The following CCDC106 variants were observed in gnomAD, a reference collection of about 807,000 sequenced individuals.
CCDC106 encodes coiled-coil domain-containing protein 106.
Under a neutral mutation model 24.7 loss-of-function variants are expected in CCDC106, and 17 were observed. That is an observed-to-expected ratio of 0.69 (90% confidence interval 0.47 to 1.03). CCDC106 has a LOEUF of 1.03. Ranked by LOEUF, CCDC106 falls within the 50% of genes least tolerant of loss-of-function variation. The pLI is 0.00. For missense variants in CCDC106, 337 were observed against 388.9 expected (o/e 0.87, Z 1.12); for synonymous variants, 211 against 161.3 (o/e 1.31, Z -2.34).
rs149935527 is a variant in CCDC106 at position 55,651,942 on chromosome 19, G to A, written c.526+447G>A. On this transcript the variant is annotated intron_variant, in intron 4 of 4. Transcript: ENST00000586790. ...CTCCCAAAGTGCTGGGATTACAGGC[G>A]TGAGCCACCGCGCATGGCCTGTCCT... Among the ~76,000 whole-genome samples the A allele has an allele frequency of 2.5e-3, 374 of 152,228 alleles. 4 individuals carry two copies. Among genetic ancestry groups the A allele is most frequent in the Non-Finnish European group, 3.5e-3 (235 of 68,018 alleles).
chr19:55,652,612 G>A lies in CCDC106; in HGVS notation c.709G>A (p.Asp237Asn). 1 of 1,612,810 alleles carries A rather than the reference G, an allele frequency of 6.2e-7. No individual in the cohort carries two copies. Among genetic ancestry groups the A allele is most frequent in the Non-Finnish European group, 8.5e-7 (1 of 1,179,862 alleles). The change falls in exon 5 of 5, where the codon GAC becomes AAC. Residue 237 changes from aspartate (D) to asparagine (N), a missense_variant. Transcript: ENST00000586790. This position sits in a 1 kb window ranked among gnomAD's most constrained non-coding sequence, Gnocchi z 5.9. ...GAAGCTGGCCGAGGTGGGCGAGTTC[G>A]ACCCCTCCAAGGAGCGCCTGCTCGA... ...PEKLAEVGEF[D>N]PSKERLLEYS...
In CCDC106 at chr19:55,652,614, C is replaced by T. The variant is rs768985868; in HGVS notation, c.711C>T (p.Asp237=). The T allele has an allele frequency of 1.4e-5, 22 of 1,613,054 alleles. No individual in the cohort carries two copies. In the East Asian group the frequency reaches 2.7e-4, roughly 20 times the overall value. ...AGCTGGCCGAGGTGGGCGAGTTCGA[C>T]CCCTCCAAGGAGCGCCTGCTCGAGT... ...PEKLAEVGEF[D]PSKERLLEYS... The change falls in exon 5 of 5, where the codon GAC becomes GAT. Residue 237 remains aspartate, a synonymous_variant. Coordinates refer to ENST00000586790, the MANE Select transcript of CCDC106 (RefSeq NM_001370470.1). The surrounding 1 kb of genome is among the most constrained non-coding windows in gnomAD (Gnocchi z 5.9).
intron 3 of CCDC106, 41 bp downstream of exon 3, chr19:55,649,625 G>A (rs373536474): frequency 7.0e-6 from 11 of 1,574,652 alleles, no homozygotes; most frequent in Admixed American, 1.7e-5. Context: ...TCCCTGTCCC[G>A]CTACTGGGTA....
Position 55,649,781 on chromosome 19 carries a change from T to G in CCDC106, c.313+197T>G, listed in dbSNP as rs1049182160. The G allele has an allele frequency of 5.1e-6, 3 of 590,646 alleles. No homozygotes were observed. In the South Asian group the frequency reaches 6.1e-5, roughly 12 times the overall value. 36.6% of individuals were successfully genotyped at this position (590,646 alleles called of 1,614,324 possible). A position where few individuals can be genotyped will look rare whatever the true frequency, so the allele number is the denominator to read the frequency against. On this transcript the variant is annotated intron_variant, in intron 3 of 4. Coordinates refer to ENST00000586790, the MANE Select transcript of CCDC106 (RefSeq NM_001370470.1). ...ATTCCAGGGCCTCATCCCCATGAAC[T>G]GTCTACTGGGGCCCGTCCTCCTGCC...
Position 55,649,323 on chromosome 19 carries a change from G to A in CCDC106, c.136+14G>A, listed in dbSNP as rs900776166. ...GAAACTTCGAGGGTGAGCTGAGGGG[G>A]TGTGGAGGGACTGGAGTCAGCTGGG... On this transcript the variant is annotated intron_variant, in intron 2 of 4. Transcript: ENST00000586790. 16 of 1,612,708 alleles carry A rather than the reference G, an allele frequency of 9.9e-6. No homozygotes were observed. The highest frequency in any genetic ancestry group is 1.4e-5 in the Non-Finnish European group (16 of 1,178,804).
chr19:55,651,584 C>A, intron 4 of CCDC106, 89 bp downstream of exon 4: 1 of 903,544 alleles, frequency 1.1e-6, no homozygotes, highest in Non-Finnish European at 1.7e-6. Context: ...TCTCTCCAAG[C>A]CCCTCCAGCC....
At chr19:55,649,609 C>T (rs748444837) in intron 3 of CCDC106, 25 bp downstream of exon 3, 1 of 1,605,242 alleles carries the variant, frequency 6.2e-7, no homozygotes, top group Admixed American at 1.7e-5. Context: ...CTCTGATCCA[C>T]ATGCCTCCCT....
In CCDC106 at chr19:55,651,284, G is replaced by C; in HGVS notation, c.315G>C (p.Glu105Asp). The C allele has an allele frequency of 1.2e-6, 2 of 1,611,616 alleles. No individual in the cohort carries two copies. The highest frequency in any genetic ancestry group is 1.7e-6 in the Non-Finnish European group (2 of 1,177,994). The change falls in exon 4 of 5, where the codon GAG becomes GAC. Residue 105 changes from glutamate to aspartate, a missense_variant and splice_region_variant. Transcript: ENST00000586790. Reference sequence around the variant, plus strand: ...ATGTGTGTGTCTCCATCTCCCCAGAGGACCACTGCCGGATGAAGCCTGGGC... The same window carrying C: ...ATGTGTGTGTCTCCATCTCCCCAGACGACCACTGCCGGATGAAGCCTGGGC... ...KFISSARMEAEDHCRMKPGPR... is the reference protein window; with the variant it reads ...KFISSARMEADDHCRMKPGPR...
At chr19:55,651,173 AC>A in intron 3 of CCDC106, 109 bp from the exon 4 acceptor site, 1 of 835,746 alleles carries the variant, frequency 1.2e-6, no homozygotes, top group Non-Finnish European at 2.0e-6. Context: ...TCTTTAGGGG[AC>A]CAGCCCAGGT....
rs774347285 is a variant in CCDC106 at position 55,652,390 on chromosome 19, C to A, written c.527-40C>A. The A allele has an allele frequency of 7.1e-6, 11 of 1,540,400 alleles. No individual in the cohort carries two copies. Among genetic ancestry groups the A allele is most frequent in the East Asian group, 6.8e-5 (3 of 44,126 alleles). ...CCGTGTCCGCCCCCTCAGTCTTGTGCCCTGCCCCTCACTTTCGTGTCCCCG... is the reference window on the plus strand; with the variant it reads ...CCGTGTCCGCCCCCTCAGTCTTGTGACCTGCCCCTCACTTTCGTGTCCCCG... On this transcript the variant is annotated intron_variant, in intron 4 of 4. Coordinates refer to ENST00000586790, the MANE Select transcript of CCDC106 (RefSeq NM_001370470.1). The surrounding 1 kb of genome is among the most constrained non-coding windows in gnomAD (Gnocchi z 5.9).
In CCDC106 at chr19:55,648,446, C is replaced by T. The variant is rs1260844876; in HGVS notation, c.-601C>T. The T allele has an allele frequency of 6.5e-6, 1 of 152,804 alleles. No individual in the cohort carries two copies. The highest frequency in any genetic ancestry group is 1.5e-5 in the Non-Finnish European group (1 of 68,492). The allele number at this position is 152,804 out of a possible 1,614,324, so 9.5% of individuals were successfully genotyped here. Reference sequence around the variant, plus strand: ...GGGCGGGGGCGGGGGGGGCGCACCCCCACGCGTGACCTTTCCCCGTACTGC... The same window carrying T: ...GGGCGGGGGCGGGGGGGGCGCACCCTCACGCGTGACCTTTCCCCGTACTGC... On this transcript the variant is annotated 5_prime_UTR_variant, in exon 1 of 5. Coordinates refer to ENST00000586790, the MANE Select transcript of CCDC106 (RefSeq NM_001370470.1).
Position 55,652,437 on chromosome 19 carries a change from C to A in CCDC106, c.534C>A (p.Asp178Glu). Residue 178 changes from aspartate (D) to glutamate (E), a missense_variant, in exon 5 of 5, where the codon GAC becomes GAA. Asp to Glu is a conservative substitution (Grantham distance 45). Around this residue, in one of 2 missense-constraint regions of CCDC106, gnomAD observed 103 missense variants for 152.4 expected, o/e 0.68. Coordinates refer to ENST00000586790, the MANE Select transcript of CCDC106 (RefSeq NM_001370470.1). This position sits in a 1 kb window ranked among gnomAD's most constrained non-coding sequence, Gnocchi z 5.9. Reference protein sequence around the residue: ...PKARERQRVKDADGVLCRYKK... With the variant: ...PKARERQRVKEADGVLCRYKK... ...CCCGCCTCCACCCCTCAGTGAAGGA[C>A]GCCGACGGGGTCCTCTGCCGGTACA... The A allele has an allele frequency of 6.3e-7, 1 of 1,597,652 alleles. No homozygotes were observed. The highest frequency in any genetic ancestry group is 8.6e-7 in the Non-Finnish European group (1 of 1,168,770).
rs770307968 is a variant in CCDC106, at chr19:55,652,748, C to T, written c.*2C>T. 1.2e-6 allele frequency: 2 copies of T among 1,602,964 alleles called. No individual in the cohort carries two copies. The highest frequency in any genetic ancestry group is 1.3e-5 in the African/African-American group (1 of 74,768). ...ATCACCTACCGCTTCAAGCGGTGATCGCACCACGCCTCCGCGCCTCCACCC... is the reference window on the plus strand; with the variant it reads ...ATCACCTACCGCTTCAAGCGGTGATTGCACCACGCCTCCGCGCCTCCACCC... On this transcript the variant is annotated 3_prime_UTR_variant, in exon 5 of 5. Transcript: ENST00000586790. The surrounding 1 kb of genome is among the most constrained non-coding windows in gnomAD (Gnocchi z 5.9).
intron 2 of CCDC106, 38 bp from the exon 3 acceptor site, chr19:55,649,370 G>C: frequency 6.2e-7 from 1 of 1,613,604 alleles, no homozygotes; most frequent in Non-Finnish European, 8.5e-7. Flanking sequence ...TGAGTCCCAG[G>C]GTGTGACCTG....
chr19:55,652,956 C>A lies in CCDC106; in HGVS notation c.*210C>A. Reference sequence around the variant, plus strand: ...CCCCTTCCGCTTGGGCTGCCCAGCCCTGTCCTCGCCGGGCCCCTTCCTCCT... The same window carrying A: ...CCCCTTCCGCTTGGGCTGCCCAGCCATGTCCTCGCCGGGCCCCTTCCTCCT... On this transcript the variant is annotated 3_prime_UTR_variant, in exon 5 of 5. Coordinates refer to ENST00000586790, the MANE Select transcript of CCDC106 (RefSeq NM_001370470.1). The surrounding 1 kb of genome is among the most constrained non-coding windows in gnomAD (Gnocchi z 5.9). 1 of 549,926 alleles carries A rather than the reference C, an allele frequency of 1.8e-6. No individual in the cohort carries two copies. The highest frequency in any genetic ancestry group is 3.2e-6 in the Non-Finnish European group (1 of 310,966). 34.1% of individuals were successfully genotyped at this position (549,926 alleles called of 1,614,324 possible). A position where few individuals can be genotyped will look rare whatever the true frequency, so the allele number is the denominator to read the frequency against.
At position 55,648,989 on chromosome 19, in the gene CCDC106, C is replaced by T. The variant is rs1407400491; in HGVS notation, c.-58C>T. 3.8e-6 allele frequency: 6 copies of T among 1,562,820 alleles called. No homozygotes were observed. In the Admixed American group the frequency reaches 6.7e-5, roughly 17 times the overall value. On this transcript the variant is annotated 5_prime_UTR_variant, in exon 1 of 5. Transcript: ENST00000586790. ...TCTGCGTCTCTCCATTTGTGGCTGC[C>T]GTTTCTGTCCAGTGCCCCTGAGGCC...
At chr19:55,650,629 G>C (rs1983185086) in intron 3 of CCDC106, among the ~76,000 whole-genome samples, 1 of 152,150 alleles carries the variant, frequency 6.6e-6, no homozygotes. Context: ...CCTCTGCTCG[G>C]GAACAAACCA....
Position 55,652,350 on chromosome 19 carries a change from T to C in CCDC106, c.527-80T>C. The C allele has an allele frequency of 1.6e-6, 2 of 1,271,308 alleles. No individual in the cohort carries two copies. Among genetic ancestry groups the C allele is most frequent in the Non-Finnish European group, 2.2e-6 (2 of 905,714 alleles). The allele number at this position is 1,271,308 out of a possible 1,614,324, so 78.8% of individuals were successfully genotyped here. ...TGCTCGCCGAGATCCTTTCTTCCCA[T>C]GGCCGTTTCCCTTCCCGTGTCCGCC... On this transcript the variant is annotated intron_variant, in intron 4 of 4. Transcript: ENST00000586790. The surrounding 1 kb of genome is among the most constrained non-coding windows in gnomAD (Gnocchi z 5.9).
chr19:55,650,666 T>G (rs959245382), intron 3 of CCDC106, among the ~76,000 whole-genome samples: 1 of 152,332 alleles, frequency 6.6e-6, no homozygotes, highest in Non-Finnish European at 1.5e-5. Flanking sequence ...GGCCTGCCAC[T>G]GTCTCCTCTC....
Sources: allele counts gnomAD v4.1 joint callset (sites outside exome capture counted in the v4.1 genomes callset), GRCh38; gene constraint gnomAD v4.1.1; regional missense constraint gnomAD v4.1.1; non-coding constraint Gnocchi (gnomAD v3.1); transcripts MANE v1.5; gene names NCBI Gene and HGNC (gene_info 2026-07-23, HGNC 2026-07-21).